The following GRK5 variants were observed in gnomAD, a reference collection of about 807,000 sequenced individuals.
GRK5 encodes G protein-coupled receptor kinase 5.
Under a neutral mutation model 78.4 loss-of-function variants are expected in GRK5, and 40 were observed. That is an observed-to-expected ratio of 0.51 (90% CI 0.40 to 0.66). GRK5 has a LOEUF of 0.66. GRK5 is among the 30% of genes least tolerant of loss of function. The probability of loss-of-function intolerance (pLI) is 0.00; values close to 1 mark genes in which losing one functional copy is unlikely to be tolerated. For missense variants in GRK5, 598 were observed against 759.9 expected, an observed-to-expected ratio of 0.79 and a Z score of 2.50; for synonymous variants, 289 against 296.8, an observed-to-expected ratio of 0.97 and a Z score of 0.27.
chr10:119,232,963 T>C (rs763432577), intron 1 of GRK5, among the ~76,000 whole-genome samples: 13 of 152,222 alleles, frequency 8.5e-5, no homozygotes, highest in Non-Finnish European at 1.8e-4. Flanking sequence ...ATGTGTCAGC[T>C]AAAAGATAAA....
chr10:119,359,667 A>G (rs1009417326), intron 2 of GRK5, among the ~76,000 whole-genome samples: 1 of 152,368 alleles, frequency 6.6e-6, no homozygotes, highest in African/African-American at 2.4e-5. Context: ...CATCTCACAC[A>G]GTGGCCTTTG....
chr10:119,387,406 G>A (rs893673297), intron 3 of GRK5, among the ~76,000 whole-genome samples: 2 of 152,118 alleles, frequency 1.3e-5, no homozygotes, highest in African/African-American at 2.4e-5. Flanking sequence ...AACTGTTTGC[G>A]CGTCATTTAC....
Position 119,441,660 on chromosome 10 carries a change from T to G in GRK5, c.968-339T>G, listed in dbSNP as rs540076364. ...CCAGAAGAACCTCACATTTTTCCCA[T>G]GAAGTAATCCCAGAACCAAGCCAAG... On this transcript the variant is annotated intron_variant, in intron 10 of 15. Transcript: ENST00000392870. Among the ~76,000 whole-genome samples, 209 of 152,348 alleles carry G rather than the reference T, an allele frequency of 1.4e-3. 2 individuals are homozygous for G. The Middle Eastern group carries it at 0.024, about 17-fold the overall frequency.
intron 2 of GRK5, among the ~76,000 whole-genome samples, chr10:119,365,080 G>T (rs1851423914): frequency 6.6e-6 from 1 of 152,218 alleles, no homozygotes; most frequent in Non-Finnish European, 1.5e-5. Flanking sequence ...ACACGGAGCA[G>T]CAGCGCCCCA....
At chr10:119,334,297 A>T (rs1392508915) in intron 2 of GRK5, among the ~76,000 whole-genome samples, 2 of 152,160 alleles carry the variant, frequency 1.3e-5, no homozygotes, top group Non-Finnish European at 2.9e-5. Context: ...TGACAGAGCG[A>T]GACCCTCTAA....
intron 1 of GRK5, among the ~76,000 whole-genome samples, chr10:119,274,119 T>C (rs1239672998): frequency 6.6e-6 from 1 of 152,126 alleles, no homozygotes; most frequent in Non-Finnish European, 1.5e-5. Context: ...AGGTGCTTGG[T>C]TTGAAGCAAA....
At chr10:119,283,537 C>T (rs188040692) in intron 1 of GRK5, among the ~76,000 whole-genome samples, 8 of 152,338 alleles carry the variant, frequency 5.3e-5, no homozygotes, top group African/African-American at 1.9e-4. Flanking sequence ...AACGCCTGCC[C>T]GTGCCCGGGC....
chr10:119,290,346 C>CAA (rs1220792004), intron 1 of GRK5, among the ~76,000 whole-genome samples: 905 of 39,696 alleles, frequency 0.023, 60 homozygotes, highest in African/African-American at 0.059. Flanking sequence ...GATTCCGTCT[C>CAA]AAAAAAAAAA....
chr10:119,410,758 C>T lies in GRK5; in HGVS notation c.340-12408C>T, dbSNP rs113049625. Among the ~76,000 whole-genome samples, 1,187 of 151,942 alleles carry T rather than the reference C, an allele frequency of 7.8e-3. 13 individuals are homozygous for T. Among genetic ancestry groups the T allele is most frequent in the Middle Eastern group, 0.024 (7 of 294 alleles). ...GCTCTAGTCTTGGAAGAGTTCCTAG[C>T]GCACAAATGGCATGAGCTGGAGGAT... On this transcript the variant is annotated intron_variant, in intron 4 of 15. Transcript: ENST00000392870.
At chr10:119,390,871 C>A (rs184188766) in intron 3 of GRK5, among the ~76,000 whole-genome samples, 11 of 152,092 alleles carry the variant, frequency 7.2e-5, no homozygotes, top group Admixed American at 4.6e-4. Flanking sequence ...GGGGACACAG[C>A]TAAACCATGT....
At chr10:119,374,820 G>A (rs951081888) in intron 2 of GRK5, among the ~76,000 whole-genome samples, 33 of 152,054 alleles carry the variant, frequency 2.2e-4, no homozygotes, top group African/African-American at 8.0e-4. Context: ...GTTGCAGTGT[G>A]GCACCTCCCC....
intron 1 of GRK5, among the ~76,000 whole-genome samples, chr10:119,263,753 C>T (rs1328599284): frequency 6.6e-6 from 1 of 152,024 alleles, no homozygotes; most frequent in Non-Finnish European, 1.5e-5. Context: ...GAAACCCCAT[C>T]TCTACTTAAA....
At position 119,308,845 on chromosome 10, in the gene GRK5, G is replaced by T. The variant is rs543913518; in HGVS notation, c.53-17671G>T. Among the ~76,000 whole-genome samples, 69 of 133,490 alleles carry T rather than the reference G, an allele frequency of 5.2e-4. 2 individuals are homozygous for T. The South Asian group carries it at 0.018, about 35-fold the overall frequency. 87.6% of individuals were successfully genotyped at this position (133,490 alleles called of 152,430 possible). On this transcript the variant is annotated intron_variant, in intron 1 of 15. Transcript: ENST00000392870. ...GATCCTGGGCAGGTCCAGTTCTGAGGCAGGGGAGCCCTGTATGGATTTGGG... is the reference window on the plus strand; with the variant it reads ...GATCCTGGGCAGGTCCAGTTCTGAGTCAGGGGAGCCCTGTATGGATTTGGG...
chr10:119,209,482 GTGTGGTT>G (rs1848445696), intron 1 of GRK5, among the ~76,000 whole-genome samples: 2 of 124,122 alleles, frequency 1.6e-5, no homozygotes, highest in African/African-American at 3.1e-5. Flanking sequence ...GTGTGTGTGT[GTGTGGTT>G]TTTTTTTTTT....
At position 119,455,148 on chromosome 10, in the gene GRK5, C is replaced by A; in HGVS notation, c.*81C>A. On this transcript the variant is annotated 3_prime_UTR_variant, in exon 16 of 16. Transcript: ENST00000392870. The stretch of plus-strand genomic sequence containing the variant: ...AAGTGGAAGTAGTGGAGCCCCTGCT[C>A]TGGTGGGGCTGCCAGGGGAGACCCC... 1 of 1,120,770 alleles carries A rather than the reference C, an allele frequency of 8.9e-7. No homozygotes were observed. Among genetic ancestry groups the A allele is most frequent in the South Asian group, 1.2e-5 (1 of 80,596 alleles). 69.4% of individuals were successfully genotyped at this position (1,120,770 alleles called of 1,614,324 possible). A position where few individuals can be genotyped will look rare whatever the true frequency, so the allele number is the denominator to read the frequency against.
intron 4 of GRK5, among the ~76,000 whole-genome samples, chr10:119,413,454 T>G (rs1852383921): frequency 6.6e-6 from 1 of 151,698 alleles, no homozygotes; most frequent in Non-Finnish European, 1.5e-5. Context: ...ATTGAGCACC[T>G]ACTATGTGCC....
intron 3 of GRK5, among the ~76,000 whole-genome samples, chr10:119,385,640 G>A (rs1221269380): frequency 6.6e-6 from 1 of 152,194 alleles, no homozygotes; most frequent in Non-Finnish European, 1.5e-5. Flanking sequence ...TGATGGATTG[G>A]GGATGAGAGA....
chr10:119,244,756 A>G (rs1361046377), intron 1 of GRK5, among the ~76,000 whole-genome samples: 2 of 152,152 alleles, frequency 1.3e-5, no homozygotes, highest in African/African-American at 4.8e-5. Flanking sequence ...ACAAAAACCC[A>G]AAAAACCACA....
In GRK5 at chr10:119,245,104, C is replaced by T. The variant is rs188537214; in HGVS notation, c.52+37135C>T. 2.5e-3 allele frequency among the ~76,000 whole-genome samples: 379 copies of T among 152,072 alleles called. 2 individuals carry two copies. Among genetic ancestry groups the T allele is most frequent in the African/African-American group, 8.4e-3 (348 of 41,500 alleles). ...CATCCTGGCCAACATGGTGAAATCC[C>T]GTCTCTACTAAAAATACAAAAAAAT... On this transcript the variant is annotated intron_variant, in intron 1 of 15. Coordinates refer to ENST00000392870, the MANE Select transcript of GRK5 (RefSeq NM_005308.3).
Sources: gnomAD v4.1 joint callset for allele counts (sites outside exome capture counted in the v4.1 genomes callset) on GRCh38, gnomAD v4.1.1 for gene constraint, MANE v1.5 for transcripts, NCBI Gene and HGNC (gene_info 2026-07-23, HGNC 2026-07-21) for gene names.